The following TFAP2E variants were observed in gnomAD, a reference collection of about 807,000 sequenced individuals.
The protein encoded by TFAP2E is transcription factor AP-2-epsilon.
A neutral mutation model predicts 37.9 loss-of-function variants in TFAP2E; 30 were observed. The observed-to-expected ratio is 0.79, with a 90% CI of 0.59 to 1.07. The LOEUF is 1.07. Among genes scored for constraint, TFAP2E ranks in the 50% least tolerant of loss-of-function variants. The pLI is 0.00. For synonymous variants in TFAP2E, 318 were observed against 295.8 expected (o/e 1.08, Z -0.77); for missense variants, 567 against 637.9 (o/e 0.89, Z 1.20).
chr1:35,578,604 CA>C (rs1490656930), intron 3 of TFAP2E, among the ~76,000 whole-genome samples: 1 of 152,032 alleles, frequency 6.6e-6, no homozygotes, highest in Non-Finnish European at 1.5e-5. Context: ...TGTCCAATCT[CA>C]GGGGATCTCT....
In TFAP2E at chr1:35,578,832, C is replaced by G. The variant is rs183112494; in HGVS notation, c.562+3832C>G. Among the ~76,000 whole-genome samples the G allele has an allele frequency of 2.0e-4, 30 of 152,140 alleles. No individual in the cohort carries two copies. In the East Asian group the frequency reaches 5.0e-3, roughly 25 times the overall value. Reference sequence around the variant, plus strand: ...ATAGGCCGGGCGCAGTGGCTCACGTCTGTAATCCCAGCACTTTGGGAGGCC... The same window carrying G: ...ATAGGCCGGGCGCAGTGGCTCACGTGTGTAATCCCAGCACTTTGGGAGGCC... On this transcript the variant is annotated intron_variant, in intron 3 of 6. Transcript: ENST00000373235.
chr1:35,583,436 C>T (rs1161328827), intron 3 of TFAP2E, among the ~76,000 whole-genome samples: 2 of 152,154 alleles, frequency 1.3e-5, no homozygotes, highest in South Asian at 4.1e-4. Context: ...AGCCAGGACG[C>T]CTGGCCTTCC....
chr1:35,590,562 G>A lies in TFAP2E; in HGVS notation c.905-72G>A, dbSNP rs1281464238. On this transcript the variant is annotated intron_variant, in intron 5 of 6. Coordinates refer to ENST00000373235, the MANE Select transcript of TFAP2E (RefSeq NM_178548.4). The surrounding 1 kb of genome is among the most constrained non-coding windows in gnomAD (Gnocchi z 6.2). ...TGGGGCAGGATACCCCTGACCAGGG[G>A]GTCAGAGGTTCAAAGCTGTGTTCCA... The A allele has an allele frequency of 2.1e-6, 3 of 1,401,176 alleles. No homozygotes were observed. The highest frequency in any genetic ancestry group is 1.9e-6 in the Non-Finnish European group (2 of 1,068,198). 86.8% of individuals were successfully genotyped at this position (1,401,176 alleles called of 1,614,324 possible).
chr1:35,580,216 AAAAG>A (rs1045971601), intron 3 of TFAP2E, among the ~76,000 whole-genome samples: 10 of 152,258 alleles, frequency 6.6e-5, no homozygotes, highest in Admixed American at 5.2e-4. Flanking sequence ...ATCTTAAAAA[AAAAG>A]AAAGAAAGAA....
chr1:35,581,094 G>A (rs1649338626), intron 3 of TFAP2E, among the ~76,000 whole-genome samples: 1 of 152,154 alleles, frequency 6.6e-6, no homozygotes, highest in Admixed American at 6.6e-5. Context: ...TTCTGGACAT[G>A]TTCTATAAAT....
intron 3 of TFAP2E, among the ~76,000 whole-genome samples, chr1:35,575,811 G>A (rs1281210482): frequency 6.6e-6 from 1 of 152,132 alleles, no homozygotes; most frequent in African/African-American, 2.4e-5. Flanking sequence ...AAGCATGCGC[G>A]GGCCCTCTCT....
At chr1:35,586,831 C>A (rs1026855541) in intron 3 of TFAP2E, among the ~76,000 whole-genome samples, 9 of 152,132 alleles carry the variant, frequency 5.9e-5, no homozygotes, top group Non-Finnish European at 1.3e-4. Context: ...CTAGCCTTTC[C>A]TACTTTTGTA....
In TFAP2E at chr1:35,588,478, G is replaced by C. The variant is rs751634606; in HGVS notation, c.711G>C (p.Thr237=). ...GCTCAACGTCCAAGTACAAGGTGAC[G>C]GTGGGGGAGGTGCAGCGGCGACTCT... ...LLSSTSKYKV[T]VGEVQRRLSP... is the part of the protein sequence containing the mutation. Residue 237 remains threonine (T), a synonymous_variant, in exon 4 of 7, where the codon ACG becomes ACC. Coordinates refer to ENST00000373235, the MANE Select transcript of TFAP2E (RefSeq NM_178548.4). The surrounding 1 kb of genome is among the most constrained non-coding windows in gnomAD (Gnocchi z 5.1). 3 of 1,609,130 alleles carry C rather than the reference G, an allele frequency of 1.9e-6. No homozygotes were observed. The highest frequency in any genetic ancestry group is 1.1e-5 in the South Asian group (1 of 91,038).
In TFAP2E at chr1:35,586,048, C is replaced by CA. The variant is rs71657685; in HGVS notation, c.563-2271dup. Among the ~76,000 whole-genome samples, 441 of 146,508 alleles carry CA rather than the reference C, an allele frequency of 3.0e-3. 3 individuals are homozygous for CA. The highest frequency in any genetic ancestry group is 7.9e-3 in the African/African-American group (320 of 40,732). On this transcript the variant is annotated intron_variant, in intron 3 of 6. Transcript: ENST00000373235. ...TGGGCAACAGAGCAAGACCCTGTCT[C>CA]AAAAAAAAAAATGGTGGACACTAGG...
At chr1:35,591,442 C>A (rs574254071) in intron 6 of TFAP2E, among the ~76,000 whole-genome samples, 45 of 152,292 alleles carry the variant, frequency 3.0e-4, no homozygotes, top group African/African-American at 1.1e-3. Flanking sequence ...CCAAGTCACA[C>A]CTGACTGTTC....
chr1:35,574,546 T>G, intron 2 of TFAP2E, 137 bp downstream of exon 2: 1 of 1,329,038 alleles, frequency 7.5e-7, no homozygotes, highest in East Asian at 2.8e-5. Context: ...TCCGAGGATG[T>G]GTCCCACCTC....
intron 3 of TFAP2E, among the ~76,000 whole-genome samples, chr1:35,576,635 G>T (rs1649179065): frequency 6.6e-6 from 1 of 152,178 alleles, no homozygotes; most frequent in Non-Finnish European, 1.5e-5. Context: ...CCCTGCGCAA[G>T]GGTAGAAGGA....
At position 35,590,688 on chromosome 1, in the gene TFAP2E, C is replaced by T. The variant is rs755679765; in HGVS notation, c.959C>T (p.Pro320Leu). The part of the protein sequence containing the change: ...DFGYVCETEF[P>L]AKAAAEYLCR... ...GGTTACGTCTGTGAGACGGAGTTCC[C>T]AGCCAAGGCAGCTGCCGAGTACCTG... The change falls in exon 6 of 7, where the codon CCA becomes CTA. Residue 320 changes from proline to leucine, a missense_variant. Transcript: ENST00000373235. The surrounding 1 kb of genome is among the most constrained non-coding windows in gnomAD (Gnocchi z 6.2). 6.4e-7 allele frequency: 1 copy of T among 1,556,474 alleles called. No homozygotes were observed. Among genetic ancestry groups the T allele is most frequent in the South Asian group, 1.2e-5 (1 of 84,214 alleles).
chr1:35,580,761 C>T (rs558269502), intron 3 of TFAP2E, among the ~76,000 whole-genome samples: 6 of 151,334 alleles, frequency 4.0e-5, no homozygotes, highest in East Asian at 1.9e-4. Flanking sequence ...GGCGACAGAG[C>T]GAGACTCTGC....
At position 35,590,549 on chromosome 1, in the gene TFAP2E, C is replaced by G; in HGVS notation, c.905-85C>G. On this transcript the variant is annotated intron_variant, in intron 5 of 6. Coordinates refer to ENST00000373235, the MANE Select transcript of TFAP2E (RefSeq NM_178548.4). This position sits in a 1 kb window ranked among gnomAD's most constrained non-coding sequence, Gnocchi z 6.2. Reference sequence around the variant, plus strand: ...TACACAGGCAGGATGGGGCAGGATACCCCTGACCAGGGGGTCAGAGGTTCA... The same window carrying G: ...TACACAGGCAGGATGGGGCAGGATAGCCCTGACCAGGGGGTCAGAGGTTCA... 1 of 1,390,414 alleles carries G rather than the reference C, an allele frequency of 7.2e-7. No homozygotes were observed. 86.1% of individuals were successfully genotyped at this position (1,390,414 alleles called of 1,614,324 possible). A position where few individuals can be genotyped will look rare whatever the true frequency, so the allele number is the denominator to read the frequency against.
rs1042618299 is a variant in TFAP2E, at chr1:35,594,158, A to G, written c.1047-236A>G. Among the ~76,000 whole-genome samples the G allele has an allele frequency of 5.3e-5, 8 of 152,292 alleles. No homozygotes were observed. The Middle Eastern group carries it at 0.01, about 194-fold the overall frequency. Reference sequence around the variant, plus strand: ...TATGGGCCAGACATCCAAAAAAGAAACATTACAGGGTGATCGACATGTGCT... The same window carrying G: ...TATGGGCCAGACATCCAAAAAAGAAGCATTACAGGGTGATCGACATGTGCT... On this transcript the variant is annotated intron_variant, in intron 6 of 6. Transcript: ENST00000373235.
At position 35,573,834 on chromosome 1, in the gene TFAP2E, CA is replaced by C; in HGVS notation, c.28-92del. On this transcript the variant is annotated intron_variant, in intron 1 of 6. Coordinates refer to ENST00000373235, the MANE Select transcript of TFAP2E (RefSeq NM_178548.4). This position sits in a 1 kb window ranked among gnomAD's most constrained non-coding sequence, Gnocchi z 5.9. ...GGGCCCCAAGAAACGGGAGGGACTG[CA>C]GCTGAACCCTCCCGAGCTGAGGAGG... 1.4e-6 allele frequency: 2 copies of C among 1,384,940 alleles called. No individual in the cohort carries two copies. Among genetic ancestry groups the C allele is most frequent in the South Asian group, 3.2e-5 (2 of 62,302 alleles). 85.8% of individuals were successfully genotyped at this position (1,384,940 alleles called of 1,614,324 possible). A position where few individuals can be genotyped will look rare whatever the true frequency, so the allele number is the denominator to read the frequency against.
At chr1:35,584,154 T>G (rs1393709079) in intron 3 of TFAP2E, among the ~76,000 whole-genome samples, 1 of 152,190 alleles carries the variant, frequency 6.6e-6, no homozygotes, top group Admixed American at 6.5e-5. Flanking sequence ...CAGGCTGGAG[T>G]GCAGTGGTGC....
At position 35,574,027 on chromosome 1, in the gene TFAP2E, C is replaced by T. The variant is rs1238313338; in HGVS notation, c.128C>T (p.Ala43Val). 1 of 1,486,178 alleles carries T rather than the reference C, an allele frequency of 6.7e-7. No homozygotes were observed. The highest frequency in any genetic ancestry group is 2.2e-5 in the Admixed American group (1 of 45,858). 92.1% of individuals were successfully genotyped at this position (1,486,178 alleles called of 1,614,324 possible). Reference sequence around the variant, plus strand: ...GCGCCCCCGCTCTGCCACACGCCGGCCGCCACAGCTGCCGCCGAATTCCAG... The same window carrying T: ...GCGCCCCCGCTCTGCCACACGCCGGTCGCCACAGCTGCCGCCGAATTCCAG... ...GPAPPLCHTP[A>V]ATAAAEFQPP... Residue 43 changes from alanine (A) to valine (V), a missense_variant, in exon 2 of 7, where the codon GCC becomes GTC. Physicochemically the swap from Ala to Val is moderately conservative, Grantham distance 64 (BLOSUM62 0). Around this residue, in one of 3 missense-constraint regions of TFAP2E, gnomAD observed 312 missense variants for 317.4 expected, o/e 0.98. Coordinates refer to ENST00000373235, the MANE Select transcript of TFAP2E (RefSeq NM_178548.4).
Sources: allele counts gnomAD v4.1 joint callset (sites outside exome capture counted in the v4.1 genomes callset), GRCh38; gene constraint gnomAD v4.1.1; regional missense constraint gnomAD v4.1.1; non-coding constraint Gnocchi (gnomAD v3.1); transcripts MANE v1.5; gene names NCBI Gene and HGNC (gene_info 2026-07-23, HGNC 2026-07-21).